The following KCNT2 variants were observed in gnomAD, a reference collection of about 807,000 sequenced individuals.
The protein encoded by KCNT2 is potassium sodium-activated channel subfamily T member 2.
A neutral mutation model predicts 153.8 loss-of-function variants in KCNT2; 67 were observed. That is an observed-to-expected ratio of 0.44 (90% confidence interval 0.36 to 0.53). KCNT2 has a LOEUF of 0.53. KCNT2 is among the 20% of genes least tolerant of loss of function. KCNT2 has a pLI of 0.00. For synonymous variants in KCNT2, 500 were observed against 458.8 expected, an observed-to-expected ratio of 1.09 and a Z score of -1.15; for missense variants, 975 against 1,354.8, an observed-to-expected ratio of 0.72 and a Z score of 4.40.
chr1:196,576,112 A>ATT (rs1661361233), intron 1 of KCNT2, among the ~76,000 whole-genome samples: 3 of 150,726 alleles, frequency 2.0e-5, no homozygotes, highest in Non-Finnish European at 4.4e-5. Context: ...GTGTGTGTAT[A>ATT]TATATATCCT....
chr1:196,524,813 C>G (rs921770836), intron 1 of KCNT2, among the ~76,000 whole-genome samples: 1 of 152,072 alleles, frequency 6.6e-6, no homozygotes, highest in Admixed American at 6.5e-5. Context: ...TTTCTAGCAA[C>G]AAATAGGAAA....
chr1:196,550,107 T>G (rs769892858), intron 1 of KCNT2, among the ~76,000 whole-genome samples: 18 of 151,906 alleles, frequency 1.2e-4, no homozygotes, highest in Middle Eastern at 3.2e-3. Context: ...TTAAAAAAAT[T>G]TTTTGATACC....
At position 196,423,769 on chromosome 1, in the gene KCNT2, A is replaced by G. The variant is rs115154320; in HGVS notation, c.1122-656T>C. Among the ~76,000 whole-genome samples the G allele has an allele frequency of 4.7e-3, 714 of 151,952 alleles. 4 individuals are homozygous for G. Among genetic ancestry groups the G allele is most frequent in the African/African-American group, 0.016 (649 of 41,518 alleles). On this transcript the variant is annotated intron_variant, in intron 11 of 27. Transcript: ENST00000294725. ...AAAATGGTTTCTATGGGGAGGAAAT[A>G]TAAAAGTCCTTGAAATAAGACCAAA...
intron 26 of KCNT2, among the ~76,000 whole-genome samples, chr1:196,236,947 T>C (rs1654497103): frequency 6.6e-6 from 1 of 151,466 alleles, no homozygotes; most frequent in Non-Finnish European, 1.5e-5. Flanking sequence ...TTTCAGTCTA[T>C]GAGAATTCTC....
chr1:196,429,301 T>C (rs1673929115), intron 9 of KCNT2, among the ~76,000 whole-genome samples: 1 of 151,956 alleles, frequency 6.6e-6, no homozygotes, highest in Non-Finnish European at 1.5e-5. Flanking sequence ...ATATTTAATA[T>C]AATTAAGTAC....
In KCNT2 at chr1:196,342,659, C is replaced by T. The variant is rs186025378; in HGVS notation, c.1404-431G>A. Among the ~76,000 whole-genome samples the T allele has an allele frequency of 3.0e-3, 458 of 151,664 alleles. 12 individuals carry two copies. Among genetic ancestry groups the T allele is most frequent in the Admixed American group, 0.027 (413 of 15,202 alleles). On this transcript the variant is annotated intron_variant, in intron 14 of 27. Coordinates refer to ENST00000294725, the MANE Select transcript of KCNT2 (RefSeq NM_198503.5). ...AACGTTATCTTACCTATGATACCTG[C>T]GTGGCTGCTGTAGGTATTTTATTTT...
intron 21 of KCNT2, among the ~76,000 whole-genome samples, chr1:196,307,998 C>T (rs995999171): frequency 2.0e-5 from 3 of 151,894 alleles, no homozygotes; most frequent in Non-Finnish European, 4.4e-5. Flanking sequence ...GACAAAATTC[C>T]ATCATCTGGG....
intron 1 of KCNT2, among the ~76,000 whole-genome samples, chr1:196,544,068 T>C (rs1213881194): frequency 6.6e-6 from 1 of 152,084 alleles, no homozygotes; most frequent in Admixed American, 6.6e-5. Flanking sequence ...AAGGAACAAA[T>C]CACTCACGCA....
At chr1:196,576,563 T>C (rs1217703390) in intron 1 of KCNT2, among the ~76,000 whole-genome samples, 1 of 152,098 alleles carries the variant, frequency 6.6e-6, no homozygotes. Context: ...TAAGTTCTCT[T>C]AACTAAAGTA....
chr1:196,370,375 C>A (rs1003312407), intron 14 of KCNT2, among the ~76,000 whole-genome samples: 2 of 151,906 alleles, frequency 1.3e-5, no homozygotes, highest in Non-Finnish European at 2.9e-5. Flanking sequence ...ATGAAGTCAT[C>A]TAATTTATTT....
chr1:196,238,659 C>A (rs866911965), intron 26 of KCNT2, among the ~76,000 whole-genome samples: 2 of 151,864 alleles, frequency 1.3e-5, no homozygotes, highest in East Asian at 3.9e-4. Flanking sequence ...CTGCTTTGCA[C>A]AGAAGGCCTA....
intron 1 of KCNT2, among the ~76,000 whole-genome samples, chr1:196,497,892 C>T (rs1328268523): frequency 2.0e-5 from 3 of 152,020 alleles, no homozygotes; most frequent in Non-Finnish European, 4.4e-5. Flanking sequence ...AGGAGTTTTT[C>T]TTCTACAGTA....
At chr1:196,467,863 G>GA (rs1342457171) in intron 6 of KCNT2, 77 bp from the exon 7 acceptor site, 9 of 703,890 alleles carry the variant, frequency 1.3e-5, no homozygotes, top group South Asian at 1.1e-4. Context: ...AAAAGAAATG[G>GA]AAAAAAAGCT....
At chr1:196,560,930 A>G (rs1302217790) in intron 1 of KCNT2, among the ~76,000 whole-genome samples, 3 of 151,954 alleles carry the variant, frequency 2.0e-5, no homozygotes, top group Non-Finnish European at 4.4e-5. Flanking sequence ...CCAGTTTAAT[A>G]CTTATTCAGC....
intron 26 of KCNT2, among the ~76,000 whole-genome samples, chr1:196,250,295 C>A (rs1176556942): frequency 1.3e-5 from 2 of 152,080 alleles, no homozygotes; most frequent in Admixed American, 6.6e-5. Context: ...GACACACAGA[C>A]CAATGGAACA....
intron 26 of KCNT2, among the ~76,000 whole-genome samples, chr1:196,242,846 C>T (rs1655080462): frequency 6.6e-6 from 1 of 152,096 alleles, no homozygotes; most frequent in African/African-American, 2.4e-5. Context: ...CTGTAAACTT[C>T]CTATATAACT....
intron 25 of KCNT2, among the ~76,000 whole-genome samples, chr1:196,267,244 A>G (rs1230654202): frequency 3.9e-5 from 6 of 152,230 alleles, no homozygotes; most frequent in Non-Finnish European, 7.3e-5. Flanking sequence ...TAAACATTCA[A>G]AAAGGAGCTC....
chr1:196,247,175 T>C (rs540545614), intron 26 of KCNT2, among the ~76,000 whole-genome samples: 2 of 152,198 alleles, frequency 1.3e-5, no homozygotes, highest in South Asian at 2.1e-4. Context: ...GTAAAAACTA[T>C]AAAAAGAGAC....
chr1:196,235,809 A>G (rs1404799357), intron 27 of KCNT2, among the ~76,000 whole-genome samples, 177 bp downstream of exon 27: 1 of 151,438 alleles, frequency 6.6e-6, no homozygotes, highest in East Asian at 1.9e-4. Context: ...TTAAACAATC[A>G]TATTTTTATA....
Sources: allele counts gnomAD v4.1 joint callset (sites outside exome capture counted in the v4.1 genomes callset), GRCh38; gene constraint gnomAD v4.1.1; transcripts MANE v1.5; gene names NCBI Gene and HGNC (gene_info 2026-07-23, HGNC 2026-07-21).